The following DRD1 variants were observed in gnomAD, a reference collection of about 807,000 sequenced individuals.
The protein encoded by DRD1 is D(1A) dopamine receptor.
In DRD1, 2 loss-of-function variants were observed where a neutral mutation model predicts 23.8. That is an observed-to-expected ratio of 0.08 (90% confidence interval 0.03 to 0.26). The LOEUF is 0.26. Among genes scored for constraint, DRD1 ranks in the 10% least tolerant of loss-of-function variants. The probability of loss-of-function intolerance (pLI) is 1.00; values close to 1 mark genes in which losing one functional copy is unlikely to be tolerated. For missense variants in DRD1, 376 were observed against 559.0 expected (o/e 0.67, Z 3.30); for synonymous variants, 218 against 225.7 (o/e 0.97, Z 0.30).
chr5:175,441,646 G>A lies in DRD1; in HGVS notation c.*113C>T. 7.6e-7 allele frequency: 1 copy of A among 1,319,808 alleles called. No individual in the cohort carries two copies. The allele number at this position is 1,319,808 out of a possible 1,614,324, so 81.8% of individuals were successfully genotyped here. On this transcript the variant is annotated 3_prime_UTR_variant, in exon 2 of 2. Coordinates refer to ENST00000393752, the MANE Select transcript of DRD1 (RefSeq NM_000794.5). ...AATTGTGTGTTGGAAAGCAGCAGAGGGCTCTCCTGACACCTCAGAGTCTCA... is the reference window on the plus strand; with the variant it reads ...AATTGTGTGTTGGAAAGCAGCAGAGAGCTCTCCTGACACCTCAGAGTCTCA...
Position 175,441,681 on chromosome 5 carries a change from A to G in DRD1, c.*78T>C, listed in dbSNP as rs1310185135. ...ACACCTCAGAGTCTCACCGTACCTT[A>G]GTTTCTTAATAGCAAGCCCCAGAGC... On this transcript the variant is annotated 3_prime_UTR_variant, in exon 2 of 2. Coordinates refer to ENST00000393752, the MANE Select transcript of DRD1 (RefSeq NM_000794.5). 2.0e-6 allele frequency: 3 copies of G among 1,491,412 alleles called. No individual in the cohort carries two copies. The highest frequency in any genetic ancestry group is 4.6e-5 in the East Asian group (2 of 43,830). The allele number at this position is 1,491,412 out of a possible 1,614,324, so 92.4% of individuals were successfully genotyped here. A position where few individuals can be genotyped will look rare whatever the true frequency, so the allele number is the denominator to read the frequency against.
chr5:175,441,718 G>T lies in DRD1; in HGVS notation c.*41C>A. 2.0e-6 allele frequency: 3 copies of T among 1,525,738 alleles called. No homozygotes were observed. The South Asian group carries it at 3.9e-5, about 20-fold the overall frequency. The allele number at this position is 1,525,738 out of a possible 1,614,324, so 94.5% of individuals were successfully genotyped here. A position where few individuals can be genotyped will look rare whatever the true frequency, so the allele number is the denominator to read the frequency against. On this transcript the variant is annotated 3_prime_UTR_variant, in exon 2 of 2. Transcript: ENST00000393752. ...GCAAGCCCCAGAGCAATCTCCTCTA[G>T]CTTTTGGGATGAGCATGTGTGGCAG... is the stretch of plus-strand genomic sequence containing the variant.
rs1193310363 is a variant in DRD1 at position 175,441,556 on chromosome 5, T to A, written c.*203A>T. 1 of 534,404 alleles carries A rather than the reference T, an allele frequency of 1.9e-6. No homozygotes were observed. The highest frequency in any genetic ancestry group is 3.7e-5 in the Admixed American group (1 of 27,070). 33.1% of individuals were successfully genotyped at this position (534,404 alleles called of 1,614,324 possible). A position where few individuals can be genotyped will look rare whatever the true frequency, so the allele number is the denominator to read the frequency against. On this transcript the variant is annotated 3_prime_UTR_variant, in exon 2 of 2. Transcript: ENST00000393752. ...CCCTTATGGCTCCCCATGTTTGTAGTGTCCCTGTTTGATTGACTATGAACA... is the reference window on the plus strand; with the variant it reads ...CCCTTATGGCTCCCCATGTTTGTAGAGTCCCTGTTTGATTGACTATGAACA...
Position 175,441,330 on chromosome 5 carries a change from T to C in DRD1, c.*429A>G, listed in dbSNP as rs1758514776. 1.3e-5 allele frequency: 2 copies of C among 155,822 alleles called. No homozygotes were observed. The highest frequency in any genetic ancestry group is 2.8e-5 in the Non-Finnish European group (2 of 70,394). 9.7% of individuals were successfully genotyped at this position (155,822 alleles called of 1,614,324 possible). A position where few individuals can be genotyped will look rare whatever the true frequency, so the allele number is the denominator to read the frequency against. On this transcript the variant is annotated 3_prime_UTR_variant, in exon 2 of 2. Transcript: ENST00000393752. ...GTTTTAGAAATAATTTATGAAGGCA[T>C]GCACCTACCTTTACAATCTGAAAAC...
In DRD1 at chr5:175,440,230, A is replaced by C. The variant is rs1758498985; in HGVS notation, c.*1529T>G. On this transcript the variant is annotated 3_prime_UTR_variant, in exon 2 of 2. Transcript: ENST00000393752. ...AGAATACGTTGTAAACATTTCAAAGAAACTCTGTTGAAATGCCCCACGAGT... is the reference window on the plus strand; with the variant it reads ...AGAATACGTTGTAAACATTTCAAAGCAACTCTGTTGAAATGCCCCACGAGT... The C allele has an allele frequency of 6.6e-6, 1 of 152,178 alleles. No individual in the cohort carries two copies. The allele number at this position is 152,178 out of a possible 1,614,324, so 9.4% of individuals were successfully genotyped here.
At position 175,440,774 on chromosome 5, in the gene DRD1, TA is replaced by T; in HGVS notation, c.*984del. The T allele has an allele frequency of 6.5e-6, 1 of 152,676 alleles. No homozygotes were observed. Among genetic ancestry groups the T allele is most frequent in the East Asian group, 1.9e-4 (1 of 5,204 alleles). 9.5% of individuals were successfully genotyped at this position (152,676 alleles called of 1,614,324 possible). A position where few individuals can be genotyped will look rare whatever the true frequency, so the allele number is the denominator to read the frequency against. ...TACTTTTCATTACCACCTAAGATCG[TA>T]AATTTAATGCTGGGCTCTTCTTAAG... is the stretch of plus-strand genomic sequence containing the variant. On this transcript the variant is annotated 3_prime_UTR_variant, in exon 2 of 2. Coordinates refer to ENST00000393752, the MANE Select transcript of DRD1 (RefSeq NM_000794.5).
In DRD1 at chr5:175,442,974, C is replaced by A. The variant is rs768227443; in HGVS notation, c.126G>T (p.Thr42=). The change falls in exon 2 of 2, where the codon ACG becomes ACT. Residue 42 remains threonine (T), a synonymous_variant. Coordinates refer to ENST00000393752, the MANE Select transcript of DRD1 (RefSeq NM_000794.5). The surrounding 1 kb of genome is among the most constrained non-coding windows in gnomAD (Gnocchi z 7.3). ...ACCTGATAACGGCAGCACAGACCAG[C>A]GTGTTCCCCAGGAGCGTGGACAGGA... ...LLILSTLLGN[T]LVCAAVIRFR... is the part of the protein sequence containing the mutation. 3 of 1,614,042 alleles carry A rather than the reference C, an allele frequency of 1.9e-6. No homozygotes were observed. Among genetic ancestry groups the A allele is most frequent in the South Asian group, 2.2e-5 (2 of 91,062 alleles).
At position 175,443,446 on chromosome 5, in the gene DRD1, C is replaced by T; in HGVS notation, c.-347G>A. The T allele has an allele frequency of 3.6e-6, 1 of 279,466 alleles. No homozygotes were observed. 17.3% of individuals were successfully genotyped at this position (279,466 alleles called of 1,614,324 possible). ...CAGTGACTCCTGGGCCTCTGCTCTG[C>T]TAGTCAGTTGCAATCACATTTCGGG... On this transcript the variant is annotated 5_prime_UTR_variant, in exon 2 of 2. Coordinates refer to ENST00000393752, the MANE Select transcript of DRD1 (RefSeq NM_000794.5).
In DRD1 at chr5:175,440,411, T is replaced by C. The variant is rs1680430552; in HGVS notation, c.*1348A>G. The C allele has an allele frequency of 6.6e-6, 1 of 152,184 alleles. No homozygotes were observed. 9.4% of individuals were successfully genotyped at this position (152,184 alleles called of 1,614,324 possible). ...ACACCCAAAGGGAAGGATTCTTCTG[T>C]TTCTCCCATCAACAGAAGTATCTGA... On this transcript the variant is annotated 3_prime_UTR_variant, in exon 2 of 2. Coordinates refer to ENST00000393752, the MANE Select transcript of DRD1 (RefSeq NM_000794.5).
rs750662551 is a variant in DRD1, at chr5:175,442,128, T to G, written c.972A>C (p.Ser324=). Residue 324 remains serine, a synonymous_variant, in exon 2 of 2, where the codon TCA becomes TCC. Coordinates refer to ENST00000393752, the MANE Select transcript of DRD1 (RefSeq NM_000794.5). The surrounding 1 kb of genome is among the most constrained non-coding windows in gnomAD (Gnocchi z 7.3). ...AGGCATAAATGATGGGGTTCAAGGATGAATTAGCCCACCCAAACCACACAA... is the reference window on the plus strand; with the variant it reads ...AGGCATAAATGATGGGGTTCAAGGAGGAATTAGCCCACCCAAACCACACAA... ...DVFVWFGWAN[S]SLNPIIYAFN... is the part of the protein sequence containing the mutation. The G allele has an allele frequency of 1.6e-5, 26 of 1,613,996 alleles. No homozygotes were observed. Among genetic ancestry groups the G allele is most frequent in the Non-Finnish European group, 2.2e-5 (26 of 1,180,042 alleles).
chr5:175,443,429 C>T lies in DRD1; in HGVS notation c.-330G>A, dbSNP rs994263551. 1 of 330,216 alleles carries T rather than the reference C, an allele frequency of 3.0e-6. No homozygotes were observed. Among genetic ancestry groups the T allele is most frequent in the Admixed American group, 4.5e-5 (1 of 21,992 alleles). 20.5% of individuals were successfully genotyped at this position (330,216 alleles called of 1,614,324 possible). A position where few individuals can be genotyped will look rare whatever the true frequency, so the allele number is the denominator to read the frequency against. ...ATTCTAAATCATCAATCCAGTGACT[C>T]CTGGGCCTCTGCTCTGCTAGTCAGT... On this transcript the variant is annotated 5_prime_UTR_variant, in exon 2 of 2. Transcript: ENST00000393752.
In DRD1 at chr5:175,442,179, G is replaced by A; in HGVS notation, c.921C>T (p.Cys307=). The A allele has an allele frequency of 6.2e-7, 1 of 1,614,176 alleles. No individual in the cohort carries two copies. The highest frequency in any genetic ancestry group is 8.5e-7 in the Non-Finnish European group (1 of 1,180,038). ...ACACGTCAAAGGTGTTGGAATCAAT[G>A]CAGAAGGGCTGCGTCTCCCCAGACC... ...FCGSGETQPF[C]IDSNTFDVFV... is the part of the protein sequence containing the mutation. Residue 307 remains cysteine (C), a synonymous_variant, in exon 2 of 2, where the codon TGC becomes TGT. Coordinates refer to ENST00000393752, the MANE Select transcript of DRD1 (RefSeq NM_000794.5). The surrounding 1 kb of genome is among the most constrained non-coding windows in gnomAD (Gnocchi z 7.3).
In DRD1 at chr5:175,440,371, T is replaced by C. The variant is rs1406393993; in HGVS notation, c.*1388A>G. The C allele has an allele frequency of 6.6e-6, 1 of 152,158 alleles. No homozygotes were observed. The highest frequency in any genetic ancestry group is 1.5e-5 in the Non-Finnish European group (1 of 68,030). The allele number at this position is 152,158 out of a possible 1,614,324, so 9.4% of individuals were successfully genotyped here. A position where few individuals can be genotyped will look rare whatever the true frequency, so the allele number is the denominator to read the frequency against. ...TTTGTCAAAAGAGATGCTGATGGCT[T>C]TGGGGGAGCTCAACACACCCAAAGG... On this transcript the variant is annotated 3_prime_UTR_variant, in exon 2 of 2. Coordinates refer to ENST00000393752, the MANE Select transcript of DRD1 (RefSeq NM_000794.5).
In DRD1 at chr5:175,443,377, C is replaced by T; in HGVS notation, c.-278G>A. 2.0e-6 allele frequency: 1 copy of T among 492,070 alleles called. No homozygotes were observed. The highest frequency in any genetic ancestry group is 3.7e-6 in the Non-Finnish European group (1 of 267,852). The allele number at this position is 492,070 out of a possible 1,614,324, so 30.5% of individuals were successfully genotyped here. A position where few individuals can be genotyped will look rare whatever the true frequency, so the allele number is the denominator to read the frequency against. On this transcript the variant is annotated 5_prime_UTR_variant, in exon 2 of 2. The change creates a premature stop within an existing upstream ORF in the 5' untranslated region. Transcript: ENST00000393752. Reference sequence around the variant, plus strand: ...GGGCACCAGAAAGCCCCTGAATTCCCCAAATAAAGCACTGGCTTTTTAGCA... The same window carrying T: ...GGGCACCAGAAAGCCCCTGAATTCCTCAAATAAAGCACTGGCTTTTTAGCA...
In DRD1 at chr5:175,441,560, C is replaced by T; in HGVS notation, c.*199G>A. The stretch of plus-strand genomic sequence containing the variant: ...TATGGCTCCCCATGTTTGTAGTGTC[C>T]CTGTTTGATTGACTATGAACAACAC... On this transcript the variant is annotated 3_prime_UTR_variant, in exon 2 of 2. Coordinates refer to ENST00000393752, the MANE Select transcript of DRD1 (RefSeq NM_000794.5). The T allele has an allele frequency of 5.3e-6, 3 of 570,538 alleles. No homozygotes were observed. The highest frequency in any genetic ancestry group is 4.7e-4 in the Middle Eastern group (1 of 2,120). 35.3% of individuals were successfully genotyped at this position (570,538 alleles called of 1,614,324 possible).
At position 175,443,082 on chromosome 5, in the gene DRD1, G is replaced by C. The variant is rs1161557835; in HGVS notation, c.18C>G (p.Thr6=). The change falls in exon 2 of 2, where the codon ACC becomes ACG. Residue 6 remains threonine (T), a synonymous_variant. Transcript: ENST00000393752. ...CCAGCCCAGTCCCGTCCATGGCAGA[G>C]GTGTTCAGAGTCCTCATCTTCCTAA... The part of the protein sequence containing the change: MRTLN[T]SAMDGTGLVV... 6.2e-7 allele frequency: 1 copy of C among 1,613,830 alleles called. No homozygotes were observed. Among genetic ancestry groups the C allele is most frequent in the African/African-American group, 1.3e-5 (1 of 74,924 alleles).
In DRD1 at chr5:175,442,878, G is replaced by T. The variant is rs1042770; in HGVS notation, c.222C>A (p.Ala74=). ...CTGCCTTCCAGGGCATGACCAGGAC[G>T]GCCACCAAGAGATCTGACACAGCCA... The part of the protein sequence containing the change: ...ISLAVSDLLV[A]VLVMPWKAVA... Residue 74 remains alanine, a synonymous_variant, in exon 2 of 2, where the codon GCC becomes GCA. Coordinates refer to ENST00000393752, the MANE Select transcript of DRD1 (RefSeq NM_000794.5). This position sits in a 1 kb window ranked among gnomAD's most constrained non-coding sequence, Gnocchi z 7.3. The T allele has an allele frequency of 2.0e-5, 32 of 1,613,960 alleles. No individual in the cohort carries two copies. In the Admixed American group the frequency reaches 5.3e-4, roughly 27 times the overall value.
rs1758565400 is a variant in DRD1 at position 175,443,809 on chromosome 5, C to A, written c.-594G>T. ...GCGCGCCTGAGCCCAGCCAGCTGCG[C>A]GCAGCAGGGGTTCGGCTCCCGGTGC... On this transcript the variant is annotated 5_prime_UTR_variant, in exon 1 of 2. Coordinates refer to ENST00000393752, the MANE Select transcript of DRD1 (RefSeq NM_000794.5). The A allele has an allele frequency of 6.6e-6, 1 of 152,498 alleles. No homozygotes were observed. The allele number at this position is 152,498 out of a possible 1,614,324, so 9.4% of individuals were successfully genotyped here. A position where few individuals can be genotyped will look rare whatever the true frequency, so the allele number is the denominator to read the frequency against.
Position 175,443,337 on chromosome 5 carries a change from G to A in DRD1, c.-238C>T. The A allele has an allele frequency of 1.7e-6, 1 of 580,502 alleles. No homozygotes were observed. The allele number at this position is 580,502 out of a possible 1,614,324, so 36.0% of individuals were successfully genotyped here. Reference sequence around the variant, plus strand: ...ACATCTGTCTTCTGACTCCCTTGCTGCAGGTCACTGTCTTGGGCACCAGAA... The same window carrying A: ...ACATCTGTCTTCTGACTCCCTTGCTACAGGTCACTGTCTTGGGCACCAGAA... On this transcript the variant is annotated 5_prime_UTR_variant, in exon 2 of 2. An upstream open reading frame in the 5' UTR gains an earlier in-frame stop. Coordinates refer to ENST00000393752, the MANE Select transcript of DRD1 (RefSeq NM_000794.5).
Sources: gnomAD v4.1 joint callset for allele counts on GRCh38, gnomAD v4.1.1 for gene constraint, Gnocchi (gnomAD v3.1) non-coding constraint, MANE v1.5 for transcripts, NCBI Gene and HGNC (gene_info 2026-07-23, HGNC 2026-07-21) for gene names.